SCARA5: variants seen among roughly 807,000 people sequenced by gnomAD.
SCARA5 encodes scavenger receptor class A, member 5 (putative).
In SCARA5, 45 loss-of-function variants were observed where a neutral mutation model predicts 46.3. The observed-to-expected ratio is 0.97, with a 90% CI of 0.76 to 1.24. The LOEUF (loss-of-function observed/expected upper bound fraction) is 1.24. Among genes scored for constraint, SCARA5 ranks in the 50% most tolerant of loss-of-function variants. The probability of loss-of-function intolerance (pLI) is 0.00; values close to 1 mark genes in which losing one functional copy is unlikely to be tolerated. For synonymous variants in SCARA5, 333 were observed against 306.5 expected (o/e 1.09, Z -0.90); for missense variants, 680 against 689.0 (o/e 0.99, Z 0.15).
At chr8:27,906,401 C>T (rs1044902022) in intron 6 of SCARA5, among the ~76,000 whole-genome samples, 1 of 152,200 alleles carries the variant, frequency 6.6e-6, no homozygotes, top group Non-Finnish European at 1.5e-5. Context: ...TCAGAAGGAA[C>T]ATTTTTGGCA....
intron 2 of SCARA5, among the ~76,000 whole-genome samples, chr8:27,971,783 T>C (rs996514381): frequency 6.6e-6 from 1 of 151,914 alleles, no homozygotes; most frequent in Non-Finnish European, 1.5e-5. Context: ...CTGGGAGACG[T>C]TGTTCATCTC....
At chr8:27,955,535 C>G (rs558018750) in intron 3 of SCARA5, among the ~76,000 whole-genome samples, 66 of 152,276 alleles carry the variant, frequency 4.3e-4, no homozygotes, top group Non-Finnish European at 7.6e-4. Flanking sequence ...GAACATTGTC[C>G]TAACAAAACC....
At chr8:27,952,639 T>C (rs2129904539) in intron 3 of SCARA5, among the ~76,000 whole-genome samples, 1 of 152,374 alleles carries the variant, frequency 6.6e-6, no homozygotes, top group African/African-American at 2.4e-5. Context: ...TATCATTCCC[T>C]GCAAATTGGT....
intron 8 of SCARA5, among the ~76,000 whole-genome samples, chr8:27,872,623 C>T (rs1008948008): frequency 2.0e-5 from 3 of 152,228 alleles, no homozygotes; most frequent in Admixed American, 1.3e-4. Context: ...GAGCCTCTTC[C>T]TGGCCTGGAT....
chr8:27,975,087 C>T (rs1476946015), intron 2 of SCARA5, among the ~76,000 whole-genome samples: 1 of 152,076 alleles, frequency 6.6e-6, no homozygotes, highest in African/African-American at 2.4e-5. Flanking sequence ...TCAGCCTTAC[C>T]CCCAACCTCC....
intron 7 of SCARA5, among the ~76,000 whole-genome samples, chr8:27,885,022 G>A (rs1806871402): frequency 7.7e-6 from 1 of 129,162 alleles, no homozygotes; most frequent in Non-Finnish European, 1.6e-5. Context: ...GCACCATCTT[G>A]GCCGGGTGGA....
intron 2 of SCARA5, 86 bp from the exon 3 acceptor site, chr8:27,966,628 G>T: frequency 7.4e-7 from 1 of 1,351,792 alleles, no homozygotes; most frequent in Non-Finnish European, 1.0e-6. Flanking sequence ...ATCTCTCCCT[G>T]ATGCATGCAG....
At chr8:27,981,381 G>T (rs1320473376) in intron 2 of SCARA5, among the ~76,000 whole-genome samples, 1 of 152,208 alleles carries the variant, frequency 6.6e-6, no homozygotes, top group Non-Finnish European at 1.5e-5. Flanking sequence ...AACCTGGAAG[G>T]GGAAAAGCCC....
chr8:27,937,224 T>C (rs1459473880), intron 3 of SCARA5, among the ~76,000 whole-genome samples: 1 of 152,070 alleles, frequency 6.6e-6, no homozygotes, highest in Non-Finnish European at 1.5e-5. Context: ...TTCCAGGAGG[T>C]GTAACCCGGC....
At chr8:27,872,425 T>C (rs1175992238) in intron 8 of SCARA5, among the ~76,000 whole-genome samples, 1 of 152,226 alleles carries the variant, frequency 6.6e-6, no homozygotes, top group Non-Finnish European at 1.5e-5. Context: ...ACAAAGAATG[T>C]CAAGGGAACA....
At chr8:27,961,155 A>G (rs1053136786) in intron 3 of SCARA5, among the ~76,000 whole-genome samples, 1 of 152,248 alleles carries the variant, frequency 6.6e-6, no homozygotes, top group African/African-American at 2.4e-5. Flanking sequence ...CAGCAATAAC[A>G]ATAGCTACTA....
chr8:27,935,272 G>A (rs1807836244), intron 3 of SCARA5, among the ~76,000 whole-genome samples: 1 of 152,212 alleles, frequency 6.6e-6, no homozygotes, highest in Admixed American at 6.5e-5. Context: ...AGTTTCTCTT[G>A]ACTCAAGGAA....
intron 1 of SCARA5, among the ~76,000 whole-genome samples, chr8:27,987,957 G>C (rs1406947739): frequency 6.6e-6 from 1 of 152,196 alleles, no homozygotes; most frequent in Non-Finnish European, 1.5e-5. Context: ...GGTTACACTG[G>C]GTGGGGCCAG....
chr8:27,900,104 C>A (rs1807126340), intron 7 of SCARA5, among the ~76,000 whole-genome samples: 1 of 151,818 alleles, frequency 6.6e-6, no homozygotes, highest in Non-Finnish European at 1.5e-5. Flanking sequence ...TGCCACTGCA[C>A]TCCAGCCTGG....
rs533977036 is a variant in SCARA5 at position 27,904,794 on chromosome 8, GTCTCCTTTC to G, written c.1128_1136del (p.Glu376_Gly378del). On this transcript the variant is annotated inframe_deletion, in exon 7 of 9. Coordinates refer to ENST00000354914, the MANE Select transcript of SCARA5 (RefSeq NM_173833.6). ...TGTCCTTACTGGCATCCCCAGCTCTGTCTCCTTTCTCTCCTTTCTCTCCTTTTGGGCCTC... is the reference window on the plus strand; with the variant it reads ...TGTCCTTACTGGCATCCCCAGCTCTGTCTCCTTTCTCTCCTTTTGGGCCTC... 284 of 1,613,894 alleles carry G rather than the reference GTCTCCTTTC, an allele frequency of 1.8e-4. No homozygotes were observed. In the African/African-American group the frequency reaches 1.9e-3, roughly 11 times the overall value.
intron 7 of SCARA5, among the ~76,000 whole-genome samples, chr8:27,881,585 C>T (rs576074791): frequency 1.3e-5 from 2 of 152,244 alleles, no homozygotes; most frequent in East Asian, 1.9e-4. Flanking sequence ...CGCTTACTAC[C>T]TGGATGACAG....
chr8:27,947,762 C>A (rs1045737630), intron 3 of SCARA5, among the ~76,000 whole-genome samples: 10 of 150,822 alleles, frequency 6.6e-5, no homozygotes, highest in Non-Finnish European at 1.2e-4. Context: ...GTGATCCCAG[C>A]TACTTGGGAG....
chr8:27,975,061 TAG>T (rs1179599546), intron 2 of SCARA5, among the ~76,000 whole-genome samples: 1 of 152,098 alleles, frequency 6.6e-6, no homozygotes, highest in East Asian at 1.9e-4. Context: ...AAGGCAGGAT[TAG>T]AGAGTTGGGA....
intron 2 of SCARA5, among the ~76,000 whole-genome samples, chr8:27,980,755 G>A (rs541685094): frequency 3.3e-5 from 5 of 152,306 alleles, no homozygotes; most frequent in East Asian, 1.9e-4. Context: ...ACACACATAC[G>A]CCATAGAATC....
Sources: allele counts gnomAD v4.1 joint callset (sites outside exome capture counted in the v4.1 genomes callset), GRCh38; gene constraint gnomAD v4.1.1; transcripts MANE v1.5; gene names NCBI Gene and HGNC (gene_info 2026-07-23, HGNC 2026-07-21).